C1QTNF12: variants seen among roughly 807,000 people sequenced by gnomAD.
C1QTNF12 encodes adipolin.
In C1QTNF12, 39 loss-of-function variants were observed where a neutral mutation model predicts 34.3. The observed-to-expected ratio is 1.14, with a 90% CI of 0.88 to 1.49. C1QTNF12 has a LOEUF of 1.49. C1QTNF12 is among the 40% of genes most tolerant of loss of function. The probability of loss-of-function intolerance (pLI) is 0.00; values close to 1 mark genes in which losing one functional copy is unlikely to be tolerated. For missense variants in C1QTNF12, 497 were observed against 424.7 expected (o/e 1.17, Z -1.50); for synonymous variants, 220 against 196.9 (o/e 1.12, Z -0.98).
At chr1:1,245,394 G>A (rs1443861480) in intron 1 of C1QTNF12, among the ~76,000 whole-genome samples, 3 of 146,982 alleles carry the variant, frequency 2.0e-5, no homozygotes, top group South Asian at 2.3e-4. Context: ...CTATCTGGGG[G>A]CTGAGAGCCA....
At chr1:1,245,856 C>T (rs887703153) in intron 1 of C1QTNF12, among the ~76,000 whole-genome samples, 1 of 152,186 alleles carries the variant, frequency 6.6e-6, no homozygotes, top group South Asian at 2.1e-4. Flanking sequence ...CTGGCAACTG[C>T]GGCTCCCCTC....
chr1:1,242,496 G>A lies in C1QTNF12; in HGVS notation c.*52C>T. 7.2e-7 allele frequency: 1 copy of A among 1,396,020 alleles called. No homozygotes were observed. The highest frequency in any genetic ancestry group is 9.8e-7 in the Non-Finnish European group (1 of 1,015,438). The allele number at this position is 1,396,020 out of a possible 1,614,324, so 86.5% of individuals were successfully genotyped here. ...ATTGTGGTGACCACGGGCATCAGTAGGAGGGTCCCCGGGATCCGGCGGCAG... is the reference window on the plus strand; with the variant it reads ...ATTGTGGTGACCACGGGCATCAGTAAGAGGGTCCCCGGGATCCGGCGGCAG... On this transcript the variant is annotated 3_prime_UTR_variant, in exon 8 of 8. Coordinates refer to ENST00000330388, the MANE Select transcript of C1QTNF12 (RefSeq NM_001014980.3).
intron 1 of C1QTNF12, 164 bp from the exon 2 acceptor site, chr1:1,244,661 C>A: frequency 1.6e-6 from 1 of 620,864 alleles, no homozygotes. Context: ...CGTCCCAATG[C>A]CACCAGCAGG....
intron 4 of C1QTNF12, 23 bp from the exon 5 acceptor site, chr1:1,243,575 G>A (rs762588645): frequency 3.3e-5 from 50 of 1,532,960 alleles, no homozygotes; most frequent in African/African-American, 3.0e-4. Context: ...GTGGGTGAGC[G>A]GCCAGCGCAG....
At position 1,242,822 on chromosome 1, in the gene C1QTNF12, G is replaced by A. The variant is rs745329919; in HGVS notation, c.810+13C>T. On this transcript the variant is annotated intron_variant, in intron 7 of 7. Coordinates refer to ENST00000330388, the MANE Select transcript of C1QTNF12 (RefSeq NM_001014980.3). Reference sequence around the variant, plus strand: ...CACCCGAGCCCTCCCGCTCACACCCGGCCCGGACTCACCTGCAGCTGCAGC... The same window carrying A: ...CACCCGAGCCCTCCCGCTCACACCCAGCCCGGACTCACCTGCAGCTGCAGC... The A allele has an allele frequency of 3.0e-5, 48 of 1,611,754 alleles. No individual in the cohort carries two copies. Among genetic ancestry groups the A allele is most frequent in the South Asian group, 2.5e-4 (23 of 91,042 alleles).
At chr1:1,243,875 T>G (rs1570510618) in intron 4 of C1QTNF12, 79 bp downstream of exon 4, 2 of 1,428,096 alleles carry the variant, frequency 1.4e-6, no homozygotes, top group Non-Finnish European at 1.9e-6. Flanking sequence ...GCCCCATGAG[T>G]GTCAGGCGGT....
chr1:1,243,987 C>A lies in C1QTNF12; in HGVS notation c.498G>T (p.Lys166Asn). The change falls in exon 4 of 8, where the codon AAG becomes AAT. Residue 166 changes from lysine (K) to asparagine (N), a missense_variant. Physicochemically the swap from Lys to Asn is moderately conservative, Grantham distance 94. Transcript: ENST00000330388. ...CRLQGPRRVDKRTLVELHGFQ... is the reference protein window; with the variant it reads ...CRLQGPRRVDNRTLVELHGFQ... ...AACCATGCAGCTCCACCAGCGTCCG[C>A]TTGTCCACCCGGCGGGGACCCTGCA... 6.2e-7 allele frequency: 1 copy of A among 1,609,476 alleles called. No individual in the cohort carries two copies. The highest frequency in any genetic ancestry group is 8.5e-7 in the Non-Finnish European group (1 of 1,178,576).
At position 1,246,422 on chromosome 1, in the gene C1QTNF12, C is replaced by T. The variant is rs909671351; in HGVS notation, c.177+92G>A. On this transcript the variant is annotated intron_variant, in intron 1 of 7. Coordinates refer to ENST00000330388, the MANE Select transcript of C1QTNF12 (RefSeq NM_001014980.3). The surrounding 1 kb of genome is among the most constrained non-coding windows in gnomAD (Gnocchi z 4.5). ...CGAAAAGGGCGACCCGGAGGCAGAG[C>T]CGGCAGGGACAGAGCCTGCTGGGGG... is the stretch of plus-strand genomic sequence containing the variant. The T allele has an allele frequency of 2.6e-5, 29 of 1,100,208 alleles. No homozygotes were observed. Among genetic ancestry groups the T allele is most frequent in the Non-Finnish European group, 3.1e-5 (27 of 869,348 alleles). 68.2% of individuals were successfully genotyped at this position (1,100,208 alleles called of 1,614,324 possible). A position where few individuals can be genotyped will look rare whatever the true frequency, so the allele number is the denominator to read the frequency against.
intron 1 of C1QTNF12, 141 bp from the exon 2 acceptor site, chr1:1,244,638 G>A: frequency 1.5e-6 from 1 of 678,170 alleles, no homozygotes; most frequent in South Asian, 1.8e-5. Flanking sequence ...CCTTGGGGGA[G>A]TCAGAACCCT....
rs1477897392 is a variant in C1QTNF12 at position 1,242,899 on chromosome 1, A to G, written c.746T>C (p.Val249Ala). 1.2e-6 allele frequency: 2 copies of G among 1,612,222 alleles called. No homozygotes were observed. Among genetic ancestry groups the G allele is most frequent in the African/African-American group, 2.7e-5 (2 of 74,912 alleles). The change falls in exon 7 of 8, where the codon GTC (valine) becomes GCC (alanine). Residue 249 changes from valine (V) to alanine (A), a missense_variant. Physicochemically the swap from Val to Ala is moderately conservative, Grantham distance 64 (BLOSUM62 0). Coordinates refer to ENST00000330388, the MANE Select transcript of C1QTNF12 (RefSeq NM_001014980.3). ...LCQRHTCLEA[V>A]SGLESNSRVF... ...CCTGCTGTTGCTCTCCAGGCCTGAG[A>G]CGGCCTCCAGGCACCTGAACACAGC...
intron 1 of C1QTNF12, chr1:1,244,732 TCCCC>T (rs1638838149): frequency 2.3e-6 from 1 of 436,776 alleles, no homozygotes; most frequent in African/African-American, 2.8e-5. Flanking sequence ...CCCTCACTCC[TCCCC>T]CACTCCTCCC....
chr1:1,242,608 G>A lies in C1QTNF12; in HGVS notation c.849C>T (p.Ser283=), dbSNP rs539226542. 595 of 1,595,626 alleles carry A rather than the reference G, an allele frequency of 3.7e-4. 7 individuals carry two copies. The South Asian group carries it at 5.0e-3, about 13-fold the overall frequency. ...CCGCCTGGATGGTGAGGACGGCCCCGGAGCCATTGTCCACAAACACAGAAG... is the reference window on the plus strand; with the variant it reads ...CCGCCTGGATGGTGAGGACGGCCCCAGAGCCATTGTCCACAAACACAGAAG... The part of the protein sequence containing the change: ...QYASVFVDNG[S]GAVLTIQAGS... Residue 283 remains serine, a synonymous_variant, in exon 8 of 8, where the codon TCC becomes TCT. Transcript: ENST00000330388.
chr1:1,243,023 C>G (rs199863277), intron 6 of C1QTNF12, 39 bp downstream of exon 6: 144 of 1,556,200 alleles, frequency 9.3e-5, no homozygotes, highest in South Asian at 3.5e-5. Flanking sequence ...AAGGGTGGTC[C>G]GGGGGCTGCC....
Position 1,242,585 on chromosome 1 carries a change from G to A in C1QTNF12, c.872C>T (p.Ala291Val), listed in dbSNP as rs527313683. The A allele has an allele frequency of 2.9e-5, 46 of 1,588,624 alleles. No individual in the cohort carries two copies. Among genetic ancestry groups the A allele is most frequent in the Admixed American group, 5.3e-5 (3 of 56,712 alleles). Residue 291 changes from alanine (A) to valine (V), a missense_variant, in exon 8 of 8, where the codon GCG becomes GTG. Ala to Val is a moderately conservative substitution (Grantham distance 64, BLOSUM62 0). Transcript: ENST00000330388. ...NGSGAVLTIQ[A>V]GSSFSGLLLG... Reference sequence around the variant, plus strand: ...GAGCAGCCCGGAGAAGCTGGAGCCCGCCTGGATGGTGAGGACGGCCCCGGA... The same window carrying A: ...GAGCAGCCCGGAGAAGCTGGAGCCCACCTGGATGGTGAGGACGGCCCCGGA...
At chr1:1,247,017 G>GGGCGCCCC (rs1306561370), upstream of C1QTNF12, among the ~76,000 whole-genome samples, 11 of 151,902 alleles carry the variant, frequency 7.2e-5, 1 homozygote, top group East Asian at 2.0e-3. Context: ...CCAGCCGCCC[G>GGGCGCCCC]GGCGCCCCGA....
At chr1:1,245,669 C>A (rs1317348996) in intron 1 of C1QTNF12, among the ~76,000 whole-genome samples, 1 of 152,196 alleles carries the variant, frequency 6.6e-6, no homozygotes. Context: ...GCCCACTCTT[C>A]CTGAGCTGGC....
rs753067712 is a variant in C1QTNF12, at chr1:1,244,032, G to A, written c.453C>T (p.Gly151=). 5.3e-5 allele frequency: 84 copies of A among 1,593,850 alleles called. No individual in the cohort carries two copies. The highest frequency in any genetic ancestry group is 1.8e-4 in the Middle Eastern group (1 of 5,684). ...CCTGCAGCCGGCAGTGAAAGGCCTC[G>A]CCCACCAGCCGCAGGCCCGCCCCCT... ...LPQGAGLRLV[G]EAFHCRLQGP... is the part of the protein sequence containing the mutation. Residue 151 remains glycine, a synonymous_variant, in exon 4 of 8, where the codon GGC becomes GGT. Transcript: ENST00000330388.
chr1:1,244,283 G>T lies in C1QTNF12; in HGVS notation c.295-8C>A, dbSNP rs1007261156. 1 of 1,591,812 alleles carries T rather than the reference G, an allele frequency of 6.3e-7. No homozygotes were observed. The highest frequency in any genetic ancestry group is 2.2e-5 in the East Asian group (1 of 44,446). Reference sequence around the variant, plus strand: ...GGGACCGAAGAGATCCCGCTGGGGGGAGAGAGAAGCAGGTGAGGGGCCCAG... The same window carrying T: ...GGGACCGAAGAGATCCCGCTGGGGGTAGAGAGAAGCAGGTGAGGGGCCCAG... On this transcript the variant is annotated splice_polypyrimidine_tract_variant and splice_region_variant and intron_variant, in intron 2 of 7. Coordinates refer to ENST00000330388, the MANE Select transcript of C1QTNF12 (RefSeq NM_001014980.3).
Position 1,243,091 on chromosome 1 carries a change from G to C in C1QTNF12, c.702C>G (p.Ile234Met), listed in dbSNP as rs1638781682. 1 of 1,589,090 alleles carries C rather than the reference G, an allele frequency of 6.3e-7. No homozygotes were observed. The highest frequency in any genetic ancestry group is 1.3e-5 in the African/African-American group (1 of 74,252). Reference protein sequence around the residue: ...LRARDVVCVLICIESLCQRHT... With the variant: ...LRARDVVCVLMCIESLCQRHT... ...GGCGCTGGCACAGGGACTCAATACA[G>C]ATGAGAACACACACCACGTCCCGGG... Residue 234 changes from isoleucine to methionine, a missense_variant, in exon 6 of 8, where the codon ATC becomes ATG. Transcript: ENST00000330388.
Sources: allele counts gnomAD v4.1 joint callset (sites outside exome capture counted in the v4.1 genomes callset), GRCh38; gene constraint gnomAD v4.1.1; non-coding constraint Gnocchi (gnomAD v3.1); transcripts MANE v1.5; gene names NCBI Gene and HGNC (gene_info 2026-07-23, HGNC 2026-07-21).